The following NSMCE2 variants were observed in gnomAD, a reference collection of about 807,000 sequenced individuals.
NSMCE2 encodes E3 SUMO-protein ligase NSE2.
In NSMCE2, 24 loss-of-function variants were observed where a neutral mutation model predicts 23.8. The ratio of observed to expected loss-of-function variants is 1.01; its 90% CI spans 0.73 to 1.42. NSMCE2 has a LOEUF of 1.42. Ranked by LOEUF, NSMCE2 falls within the 40% of genes most tolerant of loss-of-function variation. The pLI is 0.00. For synonymous variants in NSMCE2, 92 were observed against 94.1 expected, an observed-to-expected ratio of 0.98 and a Z score of 0.13; for missense variants, 284 against 296.5, an observed-to-expected ratio of 0.96 and a Z score of 0.31.
chr8:125,154,240 A>T (rs1460998238), intron 4 of NSMCE2, among the ~76,000 whole-genome samples: 1 of 152,182 alleles, frequency 6.6e-6, no homozygotes, highest in East Asian at 1.9e-4. Context: ...ATTAAAGAGC[A>T]TTTGAATTTA....
chr8:125,276,009 A>G (rs916224576), intron 5 of NSMCE2, among the ~76,000 whole-genome samples: 3 of 152,208 alleles, frequency 2.0e-5, no homozygotes, highest in Admixed American at 2.0e-4. Context: ...CTTCTGTGCC[A>G]TCAGTCAGCC....
intron 7 of NSMCE2, among the ~76,000 whole-genome samples, chr8:125,363,679 G>GGGAA: frequency 6.7e-6 from 1 of 149,062 alleles, no homozygotes; most frequent in Non-Finnish European, 1.5e-5. Context: ...CGGGGAGGGA[G>GGGAA]GGAAGGAAGG....
Position 125,346,330 on chromosome 8 carries a change from A to T in NSMCE2, c.419-10889A>T, listed in dbSNP as rs117298205. Among the ~76,000 whole-genome samples, 96 of 152,304 alleles carry T rather than the reference A, an allele frequency of 6.3e-4. No homozygotes were observed. In the East Asian group the frequency reaches 0.012, roughly 19 times the overall value. On this transcript the variant is annotated intron_variant, in intron 5 of 7. Coordinates refer to ENST00000287437, the MANE Select transcript of NSMCE2 (RefSeq NM_173685.4). ...AGTGAAAATGAAGAGGAGGAGACAG[A>T]CTCAAGATAAAGATGGAGAATGGAC...
chr8:125,256,391 G>T (rs891469952), intron 5 of NSMCE2, among the ~76,000 whole-genome samples: 2 of 152,184 alleles, frequency 1.3e-5, no homozygotes, highest in Non-Finnish European at 2.9e-5. Flanking sequence ...CCAGAAGGGA[G>T]TGAGGGGGAA....
At chr8:125,309,173 T>C (rs778991912) in intron 5 of NSMCE2, among the ~76,000 whole-genome samples, 1 of 143,596 alleles carries the variant, frequency 7.0e-6, no homozygotes, top group Non-Finnish European at 1.5e-5. Context: ...CGCTTGAACC[T>C]AGAGGCAGAG....
intron 3 of NSMCE2, 135 bp from the exon 4 acceptor site, chr8:125,151,036 A>T: frequency 2.3e-6 from 1 of 442,458 alleles, no homozygotes; most frequent in Non-Finnish European, 4.0e-6. Context: ...TTTTTTGAGG[A>T]GGTTTTTTTA....
intron 1 of NSMCE2, among the ~76,000 whole-genome samples, chr8:125,101,181 C>A (rs1373151212): frequency 6.6e-6 from 1 of 152,134 alleles, no homozygotes; most frequent in African/African-American, 2.4e-5. Flanking sequence ...TCATGATTGA[C>A]ATGGTAGGTA....
chr8:125,225,019 G>A (rs181041011), intron 5 of NSMCE2, among the ~76,000 whole-genome samples: 115 of 152,242 alleles, frequency 7.6e-4, no homozygotes, highest in African/African-American at 2.5e-3. Flanking sequence ...TGATTATTTT[G>A]GAGTACTTTT....
intron 5 of NSMCE2, among the ~76,000 whole-genome samples, chr8:125,283,887 C>T (rs947596272): frequency 1.3e-5 from 2 of 152,166 alleles, no homozygotes; most frequent in Non-Finnish European, 1.5e-5. Context: ...GGCGCAGTGG[C>T]TCACGCCTGT....
intron 5 of NSMCE2, among the ~76,000 whole-genome samples, chr8:125,313,024 G>A (rs1345408951): frequency 2.0e-5 from 3 of 151,636 alleles, no homozygotes; most frequent in Non-Finnish European, 4.4e-5. Flanking sequence ...CAGTAGGTGT[G>A]CAGCAAACCA....
chr8:125,127,532 A>G (rs1275852694), intron 3 of NSMCE2, among the ~76,000 whole-genome samples: 1 of 152,214 alleles, frequency 6.6e-6, no homozygotes, highest in East Asian at 1.9e-4. Flanking sequence ...GTTAACAAAG[A>G]AAGATTATGT....
At chr8:125,130,157 A>C (rs1819694459) in intron 3 of NSMCE2, 2 of 442,848 alleles carry the variant, frequency 4.5e-6, no homozygotes, top group South Asian at 3.2e-5. Flanking sequence ...GTTTTGTAGA[A>C]TGTCTCTCAG....
chr8:125,201,645 G>A (rs1033840711), intron 5 of NSMCE2, among the ~76,000 whole-genome samples: 12 of 152,216 alleles, frequency 7.9e-5, no homozygotes, highest in Admixed American at 1.3e-4. Flanking sequence ...GCTACACAGC[G>A]CTCAGGGACC....
At chr8:125,336,017 A>G (rs1447652530) in intron 5 of NSMCE2, among the ~76,000 whole-genome samples, 1 of 152,194 alleles carries the variant, frequency 6.6e-6, no homozygotes, top group African/African-American at 2.4e-5. Flanking sequence ...ACAAGCTAGG[A>G]GAGGACAGAT....
intron 5 of NSMCE2, among the ~76,000 whole-genome samples, chr8:125,309,765 A>G (rs1194642432): frequency 6.6e-6 from 1 of 152,162 alleles, no homozygotes; most frequent in Non-Finnish European, 1.5e-5. Context: ...CCATGACTCC[A>G]GTTTCACATG....
intron 3 of NSMCE2, among the ~76,000 whole-genome samples, chr8:125,139,661 C>T (rs1820255673): frequency 6.6e-6 from 1 of 152,102 alleles, no homozygotes; most frequent in Admixed American, 6.5e-5. Flanking sequence ...GAAAGACCTG[C>T]CCCCAGGATT....
At chr8:125,178,864 CA>C (rs943554963) in intron 4 of NSMCE2, among the ~76,000 whole-genome samples, 3 of 149,080 alleles carry the variant, frequency 2.0e-5, no homozygotes, top group Non-Finnish European at 4.5e-5. Flanking sequence ...GACTCCGCCT[CA>C]AAAAAAAATG....
chr8:125,272,604 G>A (rs1827248732), intron 5 of NSMCE2, among the ~76,000 whole-genome samples: 1 of 151,228 alleles, frequency 6.6e-6, no homozygotes, highest in African/African-American at 2.4e-5. Flanking sequence ...ATAGCATCCT[G>A]TGACATTGTA....
intron 5 of NSMCE2, among the ~76,000 whole-genome samples, chr8:125,354,452 C>T (rs1392427632): frequency 6.6e-6 from 1 of 152,190 alleles, no homozygotes; most frequent in Non-Finnish European, 1.5e-5. Flanking sequence ...AAGTTAACTT[C>T]ACATTTGCAT....
Sources: gnomAD v4.1 joint callset for allele counts (sites outside exome capture counted in the v4.1 genomes callset) on GRCh38, gnomAD v4.1.1 for gene constraint, MANE v1.5 for transcripts, NCBI Gene and HGNC (gene_info 2026-07-23, HGNC 2026-07-21) for gene names.